The following PTPRD variants were observed in gnomAD, a reference collection of about 807,000 sequenced individuals.
PTPRD encodes protein tyrosine phosphatase receptor type D, also known as receptor-type tyrosine-protein phosphatase delta.
PTPRD carries 34 observed loss-of-function variants against 214.5 expected under a neutral mutation model. The observed-to-expected ratio is 0.16, with a 90% confidence interval of 0.12 to 0.21. PTPRD has a LOEUF of 0.21. Among genes scored for constraint, PTPRD ranks in the 10% least tolerant of loss-of-function variants. The pLI, the probability that PTPRD is intolerant of heterozygous loss-of-function variation, is 1.00. For missense variants in PTPRD, 2,545 were observed against 2,398.7 expected, an observed-to-expected ratio of 1.06 and a Z score of -1.27; for synonymous variants, 1,128 against 845.7, an observed-to-expected ratio of 1.33 and a Z score of -5.79.
chr9:9,567,313 G>C (rs1203766366), intron 8 of PTPRD, among the ~76,000 whole-genome samples: 1 of 151,842 alleles, frequency 6.6e-6, no homozygotes, highest in East Asian at 1.9e-4. Flanking sequence ...GATGGGTGAA[G>C]GCACCAGATT....
chr9:8,675,390 T>C (rs958144371), intron 12 of PTPRD, among the ~76,000 whole-genome samples: 2 of 151,852 alleles, frequency 1.3e-5, no homozygotes, highest in Admixed American at 6.6e-5. Context: ...CATTAATCAA[T>C]AGATGAGCTT....
At chr9:10,571,402 T>C (rs759220920) in intron 2 of PTPRD, among the ~76,000 whole-genome samples, 4 of 152,190 alleles carry the variant, frequency 2.6e-5, no homozygotes, top group Non-Finnish European at 5.9e-5. Flanking sequence ...AATACCTTTA[T>C]TTCATGTGTT....
At chr9:8,902,320 TTTTTC>T (rs976037614) in intron 11 of PTPRD, among the ~76,000 whole-genome samples, 1 of 150,186 alleles carries the variant, frequency 6.7e-6, no homozygotes, top group African/African-American at 2.4e-5. Context: ...GGAATTGGCA[TTTTTC>T]TTTTCTTTTC....
chr9:9,559,416 T>C (rs1364027572), intron 8 of PTPRD, among the ~76,000 whole-genome samples: 2 of 152,336 alleles, frequency 1.3e-5, no homozygotes, highest in East Asian at 1.9e-4. Flanking sequence ...CACTTCCAAC[T>C]GCTCCAGCAT....
At chr9:9,424,310 A>C (rs7043652) in intron 8 of PTPRD, among the ~76,000 whole-genome samples, 123,599 of 152,142 alleles carry the variant, frequency 0.81, 50,357 homozygotes, top group African/African-American at 0.83. Context: ...TTTCCTGGGA[A>C]ACTAAGACAG....
intron 3 of PTPRD, among the ~76,000 whole-genome samples, chr9:10,247,330 T>C (rs1015157429): frequency 6.6e-6 from 1 of 152,166 alleles, no homozygotes; most frequent in Admixed American, 6.6e-5. Flanking sequence ...GAAGGAAAGC[T>C]ATGTGCATTT....
At chr9:8,478,435 AT>A (rs1289047222) in intron 30 of PTPRD, among the ~76,000 whole-genome samples, 1 of 152,182 alleles carries the variant, frequency 6.6e-6, no homozygotes, top group Non-Finnish European at 1.5e-5. Context: ...CTTATTCTTT[AT>A]TTCAATTTTT....
chr9:9,677,422 A>G (rs1042256283), intron 7 of PTPRD, among the ~76,000 whole-genome samples: 3 of 152,148 alleles, frequency 2.0e-5, no homozygotes, highest in Admixed American at 6.6e-5. Context: ...ACATATACAA[A>G]TCAATAAACG....
chr9:9,219,064 G>A (rs1274225019), intron 9 of PTPRD, among the ~76,000 whole-genome samples: 3 of 152,172 alleles, frequency 2.0e-5, no homozygotes, highest in South Asian at 2.1e-4. Flanking sequence ...TTTTCACATC[G>A]TGTGTGCCAA....
chr9:9,470,763 G>A (rs1196397821), intron 8 of PTPRD, among the ~76,000 whole-genome samples: 1 of 152,150 alleles, frequency 6.6e-6, no homozygotes, highest in African/African-American at 2.4e-5. Context: ...TGTAACAAGA[G>A]CCTCCTTCAT....
intron 36 of PTPRD, among the ~76,000 whole-genome samples, chr9:8,399,097 T>A (rs1459129087): frequency 4.3e-4 from 5 of 11,628 alleles, no homozygotes; most frequent in Non-Finnish European, 1.9e-3. Context: ...CCCACTAAGC[T>A]TTTTTTTTTT....
At chr9:8,957,809 T>C (rs1421240658) in intron 11 of PTPRD, among the ~76,000 whole-genome samples, 3 of 151,754 alleles carry the variant, frequency 2.0e-5, no homozygotes, top group Non-Finnish European at 2.9e-5. Flanking sequence ...ATGCAAGTGC[T>C]GGGAAGTGCT....
chr9:9,166,024 G>T (rs557365745), intron 10 of PTPRD, among the ~76,000 whole-genome samples: 77 of 151,326 alleles, frequency 5.1e-4, no homozygotes, highest in African/African-American at 1.8e-3. Flanking sequence ...AGGTACAATT[G>T]TCTGTCCCTA....
chr9:9,077,882 A>G (rs1019109407), intron 10 of PTPRD, among the ~76,000 whole-genome samples: 1 of 152,200 alleles, frequency 6.6e-6, no homozygotes, highest in Non-Finnish European at 1.5e-5. Context: ...CTTTCTCTCA[A>G]ACTTGAATGA....
intron 3 of PTPRD, among the ~76,000 whole-genome samples, chr9:10,152,595 G>C (rs2099068117): frequency 6.6e-6 from 1 of 152,290 alleles, no homozygotes; most frequent in Non-Finnish European, 1.5e-5. Flanking sequence ...GGAGGCCGAG[G>C]TGGGCGGATC....
At chr9:8,884,550 G>T (rs2098471327) in intron 11 of PTPRD, among the ~76,000 whole-genome samples, 1 of 152,204 alleles carries the variant, frequency 6.6e-6, no homozygotes, top group African/African-American at 2.4e-5. Flanking sequence ...AGCAACCAGG[G>T]AACCAAAAGG....
intron 10 of PTPRD, among the ~76,000 whole-genome samples, chr9:9,174,683 T>C (rs1237370157): frequency 6.6e-6 from 1 of 152,182 alleles, no homozygotes; most frequent in East Asian, 1.9e-4. Flanking sequence ...TTAATAACTA[T>C]AGTGATTTCT....
intron 39 of PTPRD, among the ~76,000 whole-genome samples, chr9:8,373,477 C>A (rs145931621): frequency 1.3e-5 from 2 of 152,028 alleles, no homozygotes; most frequent in East Asian, 3.9e-4. Context: ...AGCAGCTTCT[C>A]CAGAGCCTCA....
chr9:10,196,409 G>C (rs1254543083), intron 3 of PTPRD, among the ~76,000 whole-genome samples: 2 of 152,114 alleles, frequency 1.3e-5, no homozygotes, highest in Non-Finnish European at 2.9e-5. Context: ...AGAAGTATTA[G>C]TTCCCACTAC....
Sources: gnomAD v4.1 joint callset for allele counts (sites outside exome capture counted in the v4.1 genomes callset) on GRCh38, gnomAD v4.1.1 for gene constraint, MANE v1.5 for transcripts, NCBI Gene and HGNC (gene_info 2026-07-23, HGNC 2026-07-21) for gene names.